The following ZNF43 variants were observed in gnomAD, a reference collection of about 807,000 sequenced individuals.
ZNF43 encodes the protein zinc finger protein 43.
ZNF43 carries 44 observed loss-of-function variants against 68.4 expected under a neutral mutation model. The ratio of observed to expected loss-of-function variants is 0.64; its 90% CI spans 0.51 to 0.83. The LOEUF is 0.83. Ranked by LOEUF, ZNF43 falls within the 40% of genes least tolerant of loss-of-function variation. ZNF43 has a pLI of 0.00. For synonymous variants in ZNF43, 308 were observed against 307.8 expected, an observed-to-expected ratio of 1.00 and a Z score of -0.01; for missense variants, 896 against 933.2, an observed-to-expected ratio of 0.96 and a Z score of 0.52.
intron 3 of ZNF43, among the ~76,000 whole-genome samples, chr19:21,816,445 T>A (rs1360495427): frequency 6.6e-6 from 1 of 152,102 alleles, no homozygotes. Context: ...CTCATTCAGG[T>A]GGCAAACTAC....
intron 3 of ZNF43, chr19:21,812,184 C>T (rs377455026): frequency 1.5e-4 from 55 of 358,638 alleles, no homozygotes; most frequent in African/African-American, 9.4e-4. Flanking sequence ...TGGAGTGCAG[C>T]GGGGCGTTCT....
At chr19:21,823,571 CTTTTTTT>C (rs10605024) in intron 1 of ZNF43, among the ~76,000 whole-genome samples, 6 of 83,498 alleles carry the variant, frequency 7.2e-5, no homozygotes, top group Admixed American at 2.7e-4. Context: ...AGAATCAGGC[CTTTTTTT>C]TTTTTTTTTT....
chr19:21,829,032 C>CAAAAAAAAAAAAAAAAAAA, intron 1 of ZNF43, among the ~76,000 whole-genome samples: 1 of 38,812 alleles, frequency 2.6e-5, no homozygotes, highest in Non-Finnish European at 4.6e-5. Flanking sequence ...GACTCTGTCT[C>CAAAAAAAAAAAAAAAAAAA]AAAAAAAAAA....
chr19:21,829,889 C>T (rs1253508144), intron 1 of ZNF43, among the ~76,000 whole-genome samples: 1 of 152,098 alleles, frequency 6.6e-6, no homozygotes, highest in Non-Finnish European at 1.5e-5. Flanking sequence ...GCAAACTGAC[C>T]TCTAAGCTAA....
intron 3 of ZNF43, 142 bp from the exon 4 acceptor site, chr19:21,809,949 A>T: frequency 1.2e-6 from 1 of 832,226 alleles, no homozygotes; most frequent in Non-Finnish European, 1.7e-6. Context: ...TTATAGACAT[A>T]TAAATGTAAC....
At chr19:21,830,640 C>G (rs2038383162) in intron 1 of ZNF43, among the ~76,000 whole-genome samples, 2 of 145,584 alleles carry the variant, frequency 1.4e-5, no homozygotes, top group Non-Finnish European at 3.0e-5. Flanking sequence ...AATAAAAAAC[C>G]AGAATCAGAC....
chr19:21,810,519 G>T (rs1475101883), intron 3 of ZNF43, among the ~76,000 whole-genome samples: 1 of 152,112 alleles, frequency 6.6e-6, no homozygotes, highest in Non-Finnish European at 1.5e-5. Context: ...TGGAAACATG[G>T]ACATCCAAAC....
Position 21,809,300 on chromosome 19 carries a change from G to C in ZNF43, c.737C>G (p.Thr246Ser). ...TCTAGTATAATTTTTTTTATGTGTA[G>C]TAAGGCGTGAGGACCAATTAAAGAC... ...GKVFNWSSRL[T>S]THKKNYTRYK... The change falls in exon 4 of 4, where the codon ACT (threonine) becomes AGT (serine). Residue 246 changes from threonine to serine, a missense_variant. Coordinates refer to ENST00000354959, the MANE Select transcript of ZNF43 (RefSeq NM_003423.4). 6.2e-7 allele frequency: 1 copy of C among 1,613,398 alleles called. No individual in the cohort carries two copies. Among genetic ancestry groups the C allele is most frequent in the Non-Finnish European group, 8.5e-7 (1 of 1,179,840 alleles).
At position 21,809,260 on chromosome 19, in the gene ZNF43, T is replaced by A; in HGVS notation, c.777A>T (p.Lys259Asn). ...TAAAAGCTTTGCCACATTCTTCACA[T>A]TTGTAGAGTTTGTATCTAGTATAAT... ...KKNYTRYKLY[K>N]CEECGKAFNK... Residue 259 changes from lysine (K) to asparagine (N), a missense_variant, in exon 4 of 4, where the codon AAA (lysine) becomes AAT (asparagine). By Grantham distance (94) the Lys-to-Asn change is moderately conservative. Transcript: ENST00000354959. The A allele has an allele frequency of 6.2e-7, 1 of 1,613,746 alleles. No homozygotes were observed. The highest frequency in any genetic ancestry group is 8.5e-7 in the Non-Finnish European group (1 of 1,179,858).
chr19:21,847,211 T>C (rs1968013796), intron 1 of ZNF43, among the ~76,000 whole-genome samples: 1 of 151,986 alleles, frequency 6.6e-6, no homozygotes. Context: ...GAGAGTCACA[T>C]CTCCTAGTTG....
At chr19:21,852,041 C>G in exon 1 of ZNF43, 1 of 1,302,710 alleles carries the variant, frequency 7.7e-7, no homozygotes, top group Non-Finnish European at 1.0e-6. Context: ...GAGGCGGGTC[C>G]CAAGGTCTAG....
chr19:21,819,167 A>T lies in ZNF43; in HGVS notation c.58T>A (p.Cys20Ser), dbSNP rs763351532. 3.7e-6 allele frequency: 6 copies of T among 1,609,162 alleles called. No individual in the cohort carries two copies. The East Asian group carries it at 1.3e-4, about 36-fold the overall frequency. The change falls in exon 2 of 4, where the codon TGC becomes AGC. Residue 20 changes from cysteine (C) to serine (S), a missense_variant. By Grantham distance (112) the Cys-to-Ser change is moderately radical. Coordinates refer to ENST00000354959, the MANE Select transcript of ZNF43 (RefSeq NM_003423.4). Reference sequence around the variant, plus strand: ...AAATTCTGCTGTGCAATGTCCAGGCATTGCCACTCCTCCAGACAGAATTCT... The same window carrying T: ...AAATTCTGCTGTGCAATGTCCAGGCTTTGCCACTCCTCCAGACAGAATTCT... Reference protein sequence around the residue: ...AIEFCLEEWQCLDIAQQNLYR... With the variant: ...AIEFCLEEWQSLDIAQQNLYR...
At chr19:21,837,848 C>T (rs570316173), upstream of ZNF43, 2 of 152,326 alleles carry the variant, frequency 1.3e-5, no homozygotes, top group South Asian at 4.1e-4. Context: ...GATCTTCCTT[C>T]CCTACCTTTT....
intron 1 of ZNF43, among the ~76,000 whole-genome samples, chr19:21,845,907 A>G (rs1967917880): frequency 6.6e-6 from 1 of 151,040 alleles, no homozygotes; most frequent in African/African-American, 2.4e-5. Flanking sequence ...AAAAAAAAAA[A>G]GGATGCAGGG....
At chr19:21,843,104 T>C (rs1001116103) in intron 1 of ZNF43, 1 of 152,268 alleles carries the variant, frequency 6.6e-6, no homozygotes, top group Non-Finnish European at 1.5e-5. Context: ...TATGTTACAA[T>C]AGCCCATTTG....
upstream of ZNF43, among the ~76,000 whole-genome samples, chr19:21,839,331 C>CAAAAAAAAAAAAAA (rs61335194): frequency 1.1e-4 from 3 of 28,294 alleles, no homozygotes; most frequent in Admixed American, 4.8e-4. Context: ...AGAGATCAGG[C>CAAAAAAAAAAAAAA]AAAAAAAAAA....
At chr19:21,810,492 T>C (rs2457774) in intron 3 of ZNF43, among the ~76,000 whole-genome samples, 64,739 of 152,056 alleles carry the variant, frequency 0.43, 14,710 homozygotes, top group African/African-American at 0.6. Flanking sequence ...CTGAAGATTA[T>C]ACTGCAGCAT....
At chr19:21,832,980 A>G (rs1255514411) in intron 1 of ZNF43, among the ~76,000 whole-genome samples, 2 of 152,262 alleles carry the variant, frequency 1.3e-5, no homozygotes, top group African/African-American at 4.8e-5. Context: ...ATGATAGGAT[A>G]TAGAATACAG....
intron 1 of ZNF43, among the ~76,000 whole-genome samples, chr19:21,832,103 T>C (rs970647930): frequency 6.6e-6 from 1 of 152,114 alleles, no homozygotes; most frequent in Non-Finnish European, 1.5e-5. Context: ...AGAACAAAAC[T>C]GGAAGCAGTA....
Sources: allele counts gnomAD v4.1 joint callset (sites outside exome capture counted in the v4.1 genomes callset), GRCh38; gene constraint gnomAD v4.1.1; transcripts MANE v1.5; gene names NCBI Gene and HGNC (gene_info 2026-07-23, HGNC 2026-07-21).